TRIM28: variants seen among roughly 807,000 people sequenced by gnomAD.
TRIM28 encodes the protein transcription intermediary factor 1-beta.
Under a neutral mutation model 87.4 loss-of-function variants are expected in TRIM28, and 8 were observed. The observed-to-expected ratio is 0.09, with a 90% CI of 0.05 to 0.17. The LOEUF (loss-of-function observed/expected upper bound fraction) is 0.17. TRIM28 is among the 10% of genes least tolerant of loss of function. The pLI, the probability that TRIM28 is intolerant of heterozygous loss-of-function variation, is 1.00. For missense variants in TRIM28, 968 were observed against 1,131.8 expected, an observed-to-expected ratio of 0.86 and a Z score of 2.08; for synonymous variants, 601 against 454.3, an observed-to-expected ratio of 1.32 and a Z score of -4.11.
chr19:58,549,179 C>A lies in TRIM28; in HGVS notation c.1601C>A (p.Pro534Gln), dbSNP rs749855662. The A allele has an allele frequency of 6.3e-5, 102 of 1,613,822 alleles. No individual in the cohort carries two copies. The highest frequency in any genetic ancestry group is 8.1e-5 in the Non-Finnish European group (96 of 1,179,932). ...GCTGCCGCTGCAGCTACCGGCCAGCCAGGGACTGCGCCTGCAGGAACCCCT... is the reference window on the plus strand; with the variant it reads ...GCTGCCGCTGCAGCTACCGGCCAGCAAGGGACTGCGCCTGCAGGAACCCCT... ...RGAAAAATGQ[P>Q]GTAPAGTPGA... Residue 534 changes from proline to glutamine, a missense_variant, in exon 12 of 17, where the codon CCA becomes CAA. Pro to Gln is a moderately conservative substitution (Grantham distance 76). Transcript: ENST00000253024. This position sits in a 1 kb window ranked among gnomAD's most constrained non-coding sequence, Gnocchi z 4.4.
intron 9 of TRIM28, 36 bp downstream of exon 9, chr19:58,548,628 G>T: frequency 6.2e-7 from 1 of 1,609,096 alleles, no homozygotes. Context: ...GGGGTGGGCA[G>T]GGAATGGGGT....
rs1322744123 is a variant in TRIM28, at chr19:58,544,546, G to C, written c.-212G>C. On this transcript the variant is annotated 5_prime_UTR_variant, in exon 1 of 17. Coordinates refer to ENST00000253024, the MANE Select transcript of TRIM28 (RefSeq NM_005762.3). ...GGCGGCGGCTGAGGAAGAAGCGCGG[G>C]CGGCGCCTTCGGGAGGCGAGCAGGC... 1 of 153,924 alleles carries C rather than the reference G, an allele frequency of 6.5e-6. No homozygotes were observed. The allele number at this position is 153,924 out of a possible 1,614,324, so 9.5% of individuals were successfully genotyped here.
chr19:58,547,386 G>A lies in TRIM28; in HGVS notation c.597G>A (p.Lys199=), dbSNP rs1324168071. 1.2e-6 allele frequency: 2 copies of A among 1,613,754 alleles called. No individual in the cohort carries two copies. The highest frequency in any genetic ancestry group is 8.5e-7 in the Non-Finnish European group (1 of 1,179,752). Residue 199 remains lysine (K), a synonymous_variant, in exon 4 of 17, where the codon AAG becomes AAA. Transcript: ENST00000253024. Reference sequence around the variant, plus strand: ...ATTCCCACTCCCCAGGGCCAGCCAAGTCTCGGGATGGTGAACGTACTGTCT... The same window carrying A: ...ATTCCCACTCCCCAGGGCCAGCCAAATCTCGGGATGGTGAACGTACTGTCT... ...DHTVRSTGPA[K]SRDGERTVYC...
rs920672435 is a variant in TRIM28, at chr19:58,544,473, C to T, written c.-285C>T. ...CCTCGGCTCTTTCTGCGAGCGGGCG[C>T]GCGGGCGAGCGGTTGTGCTTGTGCT... On this transcript the variant is annotated 5_prime_UTR_variant, in exon 1 of 17. Transcript: ENST00000253024. 10 of 152,354 alleles carry T rather than the reference C, an allele frequency of 6.6e-5. No homozygotes were observed. The highest frequency in any genetic ancestry group is 2.4e-4 in the African/African-American group (10 of 41,424). 9.4% of individuals were successfully genotyped at this position (152,354 alleles called of 1,614,324 possible).
intron 1 of TRIM28, 161 bp downstream of exon 1, chr19:58,545,258 C>A: frequency 2.2e-6 from 2 of 889,730 alleles, no homozygotes; most frequent in Non-Finnish European, 3.4e-6. Context: ...TTTGTGCTGG[C>A]CGCTGAGATG....
chr19:58,550,460 C>T lies in TRIM28; in HGVS notation c.2415C>T (p.Phe805=), dbSNP rs1222587619. 2.5e-6 allele frequency: 4 copies of T among 1,612,420 alleles called. No individual in the cohort carries two copies. In the Admixed American group the frequency reaches 5.0e-5, roughly 20 times the overall value. Residue 805 remains phenylalanine, a synonymous_variant, in exon 17 of 17, where the codon TTC becomes TTT. Transcript: ENST00000253024. ...RMNEAFGDTK[F]SAVLVEPPPM... ...ACGAGGCCTTCGGTGACACCAAGTTCTCTGCTGTGCTGGTGGAGCCCCCGC... is the reference window on the plus strand; with the variant it reads ...ACGAGGCCTTCGGTGACACCAAGTTTTCTGCTGTGCTGGTGGAGCCCCCGC...
Position 58,549,157 on chromosome 19 carries a change from G to T in TRIM28, c.1579G>T (p.Ala527Ser). 1 of 1,614,094 alleles carries T rather than the reference G, an allele frequency of 6.2e-7. No individual in the cohort carries two copies. Among genetic ancestry groups the T allele is most frequent in the Non-Finnish European group, 8.5e-7 (1 of 1,179,996 alleles). Residue 527 changes from alanine (A) to serine (S), a missense_variant, in exon 12 of 17, where the codon GCC becomes TCC. By Grantham distance (99) the Ala-to-Ser change is moderately conservative (BLOSUM62 1). Around this residue, in one of 11 missense-constraint regions of TRIM28, gnomAD observed 164 missense variants for 146.2 expected, o/e 1.12. Coordinates refer to ENST00000253024, the MANE Select transcript of TRIM28 (RefSeq NM_005762.3). This position sits in a 1 kb window ranked among gnomAD's most constrained non-coding sequence, Gnocchi z 4.4. ...CCTTATTGTTATTGAACGTGGCGCT[G>T]CCGCTGCAGCTACCGGCCAGCCAGG... is the stretch of plus-strand genomic sequence containing the variant. Reference protein sequence around the residue: ...YNLIVIERGAAAAATGQPGTA... With the variant: ...YNLIVIERGASAAATGQPGTA...
In TRIM28 at chr19:58,549,400, C is replaced by T; in HGVS notation, c.1732C>T (p.Leu578Phe). Residue 578 changes from leucine (L) to phenylalanine (F), a missense_variant, in exon 13 of 17, where the codon CTT (leucine) becomes TTT (phenylalanine). Around this residue, in one of 11 missense-constraint regions of TRIM28, gnomAD observed 164 missense variants for 146.2 expected, o/e 1.12. Transcript: ENST00000253024. This position sits in a 1 kb window ranked among gnomAD's most constrained non-coding sequence, Gnocchi z 4.4. Reference sequence around the variant, plus strand: ...TGAGGGCCCTGAGACCAAACCTGTGCTTATGGCTCTTGCGGAGGGTCCTGG... The same window carrying T: ...TGAGGGCCCTGAGACCAAACCTGTGTTTATGGCTCTTGCGGAGGGTCCTGG... ...ATEGPETKPV[L>F]MALAEGPGAE... The T allele has an allele frequency of 6.3e-7, 1 of 1,593,490 alleles. No homozygotes were observed. The highest frequency in any genetic ancestry group is 8.6e-7 in the Non-Finnish European group (1 of 1,166,510).
rs757352851 is a variant in TRIM28 at position 58,547,921 on chromosome 19, G to A, written c.954+15G>A. 30 of 1,613,858 alleles carry A rather than the reference G, an allele frequency of 1.9e-5. No homozygotes were observed. The South Asian group carries it at 2.9e-4, about 15-fold the overall frequency. On this transcript the variant is annotated intron_variant, in intron 6 of 16. Transcript: ENST00000253024. ...ATGATGCCCAGGTAAGCCTTGTGCC[G>A]GTGAGAAGGGTCCCTGAGCCCCCTC... is the stretch of plus-strand genomic sequence containing the variant.
At position 58,549,373 on chromosome 19, in the gene TRIM28, ACTGAGGGCC is replaced by A; in HGVS notation, c.1711_1719del (p.Gly571_Glu573del). 1 of 1,573,814 alleles carries A rather than the reference ACTGAGGGCC, an allele frequency of 6.4e-7. No homozygotes were observed. Among genetic ancestry groups the A allele is most frequent in the Non-Finnish European group, 8.6e-7 (1 of 1,156,662 alleles). On this transcript the variant is annotated inframe_deletion, in exon 13 of 17. Coordinates refer to ENST00000253024, the MANE Select transcript of TRIM28 (RefSeq NM_005762.3). The surrounding 1 kb of genome is among the most constrained non-coding windows in gnomAD (Gnocchi z 4.4). ...TGCCATTGGAGCCCCTCCTACTGCCACTGAGGGCCCTGAGACCAAACCTGTGCTTATGGC... is the reference window on the plus strand; with the variant it reads ...TGCCATTGGAGCCCCTCCTACTGCCACTGAGACCAAACCTGTGCTTATGGC...
chr19:58,549,356 G>C lies in TRIM28; in HGVS notation c.1688G>C (p.Gly563Ala). The C allele has an allele frequency of 6.4e-7, 1 of 1,567,368 alleles. No homozygotes were observed. Among genetic ancestry groups the C allele is most frequent in the Non-Finnish European group, 8.7e-7 (1 of 1,153,808 alleles). Residue 563 changes from glycine (G) to alanine (A), a missense_variant, in exon 13 of 17, where the codon GGA becomes GCA. Around this residue, in one of 11 missense-constraint regions of TRIM28, gnomAD observed 164 missense variants for 146.2 expected, o/e 1.12. Coordinates refer to ENST00000253024, the MANE Select transcript of TRIM28 (RefSeq NM_005762.3). This position sits in a 1 kb window ranked among gnomAD's most constrained non-coding sequence, Gnocchi z 4.4. ...VKEEETEAAI[G>A]APPTATEGPE... is the part of the protein sequence containing the mutation. ...GAGGAGGAGACGGAGGCTGCCATTG[G>C]AGCCCCTCCTACTGCCACTGAGGGC...
intron 6 of TRIM28, 55 bp from the exon 7 acceptor site, chr19:58,547,979 T>C (rs1239812750): frequency 3.1e-6 from 5 of 1,612,386 alleles, no homozygotes; most frequent in Non-Finnish European, 3.4e-6. Context: ...GGGTGAGGAG[T>C]GATCCTAGTA....
At position 58,549,729 on chromosome 19, in the gene TRIM28, C is replaced by T. The variant is rs1336396806; in HGVS notation, c.1983-8C>T. 9 of 1,602,258 alleles carry T rather than the reference C, an allele frequency of 5.6e-6. No homozygotes were observed. The South Asian group carries it at 7.8e-5, about 14-fold the overall frequency. ...ATCATGTGCAGACCCTTATTTTCTT[C>T]ACCCTAGGGAGGAGTGGAGCTGCTC... On this transcript the variant is annotated splice_polypyrimidine_tract_variant and splice_region_variant and intron_variant, in intron 13 of 16. Transcript: ENST00000253024. This position sits in a 1 kb window ranked among gnomAD's most constrained non-coding sequence, Gnocchi z 4.4.
rs1027373534 is a variant in TRIM28 at position 58,549,563 on chromosome 19, A to G, written c.1895A>G (p.Gln632Arg). 1 of 1,614,138 alleles carries G rather than the reference A, an allele frequency of 6.2e-7. No homozygotes were observed. Among genetic ancestry groups the G allele is most frequent in the African/African-American group, 1.3e-5 (1 of 75,052 alleles). The change falls in exon 13 of 17, where the codon CAG becomes CGG. Residue 632 changes from glutamine (Q) to arginine (R), a missense_variant. Around this residue, in one of 11 missense-constraint regions of TRIM28, gnomAD observed 164 missense variants for 146.2 expected, o/e 1.12. Transcript: ENST00000253024. The surrounding 1 kb of genome is among the most constrained non-coding windows in gnomAD (Gnocchi z 4.4). ...DDSATICRVCQKPGDLVMCNQ... is the reference protein window; with the variant it reads ...DDSATICRVCRKPGDLVMCNQ... ...AGTGCCACCATTTGCCGTGTCTGCC[A>G]GAAGCCAGGCGATCTGGTTATGTGC...
In TRIM28 at chr19:58,547,458, C is replaced by G; in HGVS notation, c.669C>G (p.Ser223Arg). The G allele has an allele frequency of 6.2e-7, 1 of 1,613,990 alleles. No individual in the cohort carries two copies. Among genetic ancestry groups the G allele is most frequent in the South Asian group, 1.1e-5 (1 of 91,082 alleles). ...KHEPLVLFCE[S>R]CDTLTCRDCQ... is the part of the protein sequence containing the mutation. ...AACCCCTTGTGCTGTTTTGTGAGAGCTGTGATACTCTCACCTGCCGAGACT... is the reference window on the plus strand; with the variant it reads ...AACCCCTTGTGCTGTTTTGTGAGAGGTGTGATACTCTCACCTGCCGAGACT... Residue 223 changes from serine to arginine, a missense_variant, in exon 4 of 17, where the codon AGC (serine) becomes AGG (arginine). This residue lies in a region of TRIM28 where 103 missense variants were observed against 139.0 expected (regional missense o/e 0.74). Coordinates refer to ENST00000253024, the MANE Select transcript of TRIM28 (RefSeq NM_005762.3).
chr19:58,545,136 C>T (rs1183956176), intron 1 of TRIM28, 39 bp downstream of exon 1: 3 of 1,384,746 alleles, frequency 2.2e-6, no homozygotes, highest in East Asian at 2.7e-5. Flanking sequence ...TCCCCCTACT[C>T]TCTGCCTTTG....
At chr19:58,547,258 T>C in intron 3 of TRIM28, 118 bp from the exon 4 acceptor site, 3 of 1,376,198 alleles carry the variant, frequency 2.2e-6, no homozygotes, top group East Asian at 4.8e-5. Context: ...CCTCTACATC[T>C]TCCCAATAAA....
rs1259658931 is a variant in TRIM28 at position 58,547,408 on chromosome 19, G to A, written c.619G>A (p.Val207Ile). The A allele has an allele frequency of 6.2e-7, 1 of 1,614,046 alleles. No individual in the cohort carries two copies. Among genetic ancestry groups the A allele is most frequent in the Admixed American group, 1.7e-5 (1 of 60,010 alleles). Residue 207 changes from valine (V) to isoleucine (I), a missense_variant, in exon 4 of 17, where the codon GTC becomes ATC. By Grantham distance (29) the Val-to-Ile change is conservative. Coordinates refer to ENST00000253024, the MANE Select transcript of TRIM28 (RefSeq NM_005762.3). ...PAKSRDGERT[V>I]YCNVHKHEPL... Reference sequence around the variant, plus strand: ...CAAGTCTCGGGATGGTGAACGTACTGTCTATTGCAACGTACACAAGCATGA... The same window carrying A: ...CAAGTCTCGGGATGGTGAACGTACTATCTATTGCAACGTACACAAGCATGA...
At chr19:58,546,723 G>A (rs1233417023) in intron 3 of TRIM28, among the ~76,000 whole-genome samples, 1 of 152,172 alleles carries the variant, frequency 6.6e-6, no homozygotes, top group Non-Finnish European at 1.5e-5. Context: ...TGTGGGACCA[G>A]TGTGTTTGAT....
Sources: gnomAD v4.1 joint callset for allele counts (sites outside exome capture counted in the v4.1 genomes callset) on GRCh38, gnomAD v4.1.1 for gene constraint, gnomAD v4.1.1 regional missense constraint, Gnocchi (gnomAD v3.1) non-coding constraint, MANE v1.5 for transcripts, NCBI Gene and HGNC (gene_info 2026-07-23, HGNC 2026-07-21) for gene names.